The following MTR variants were observed in gnomAD, a reference collection of about 807,000 sequenced individuals.
MTR encodes the protein methionine synthase.
Under a neutral mutation model 154.8 loss-of-function variants are expected in MTR, and 84 were observed. The observed-to-expected ratio is 0.54, with a 90% CI of 0.45 to 0.65. The LOEUF is 0.65. Among genes scored for constraint, MTR ranks in the 30% least tolerant of loss-of-function variants. The pLI is 0.00. For missense variants in MTR, 1,275 were observed against 1,570.2 expected (o/e 0.81, Z 3.18); for synonymous variants, 554 against 553.9 (o/e 1.00, Z 0.00).
At chr1:236,797,491 A>T (rs1660460368) in intron 1 of MTR, among the ~76,000 whole-genome samples, 2 of 152,160 alleles carry the variant, frequency 1.3e-5, no homozygotes, top group Non-Finnish European at 2.9e-5. Context: ...AACTCAATTG[A>T]TGAGTGATTA....
intron 19 of MTR, 112 bp from the exon 20 acceptor site, chr1:236,861,013 A>G (rs1664503426): frequency 1.1e-6 from 1 of 909,008 alleles, no homozygotes; most frequent in African/African-American, 1.7e-5. Flanking sequence ...TGCTTCTGGA[A>G]CCTGTGCTGT....
intron 11 of MTR, among the ~76,000 whole-genome samples, chr1:236,828,253 A>G (rs1169901082): frequency 1.3e-5 from 2 of 152,184 alleles, no homozygotes; most frequent in Non-Finnish European, 1.5e-5. Context: ...CTGGGATTAC[A>G]TGTGTGAGCC....
chr1:236,883,682 T>A, intron 25 of MTR, among the ~76,000 whole-genome samples: 1 of 152,118 alleles, frequency 6.6e-6, no homozygotes. Context: ...TGAACACTAT[T>A]TAGGAACCTA....
chr1:236,890,003 C>T (rs550633308), intron 28 of MTR, among the ~76,000 whole-genome samples: 14 of 152,136 alleles, frequency 9.2e-5, no homozygotes, highest in South Asian at 4.2e-4. Context: ...CAGAATCCAC[C>T]GACAGAGACA....
Position 236,812,778 on chromosome 1 carries a change from A to G in MTR, c.543A>G (p.Lys181=). The G allele has an allele frequency of 6.2e-7, 1 of 1,614,170 alleles. No homozygotes were observed. The highest frequency in any genetic ancestry group is 8.5e-7 in the Non-Finnish European group (1 of 1,180,004). The change falls in exon 6 of 33, where the codon AAA becomes AAG. Residue 181 remains lysine (K), a synonymous_variant. Transcript: ENST00000366577. The part of the protein sequence containing the change: ...ELVEAYQEQA[K]GLLDGGVDIL... ...TTGAAGCATACCAAGAGCAGGCCAAAGGACTTCTGGATGGCGGGGTTGATA... is the reference window on the plus strand; with the variant it reads ...TTGAAGCATACCAAGAGCAGGCCAAGGGACTTCTGGATGGCGGGGTTGATA...
At chr1:236,849,787 A>C (rs1408626729) in intron 15 of MTR, among the ~76,000 whole-genome samples, 2 of 152,168 alleles carry the variant, frequency 1.3e-5, no homozygotes. Flanking sequence ...CTTAAGACAC[A>C]TGTTAGGCCA....
chr1:236,817,281 A>G (rs970035529), intron 8 of MTR, among the ~76,000 whole-genome samples: 1 of 151,682 alleles, frequency 6.6e-6, no homozygotes, highest in Non-Finnish European at 1.5e-5. Context: ...CCTGGAAGCT[A>G]TGCTGGTCCC....
chr1:236,804,110 TGAG>T (rs1660841984), intron 2 of MTR, among the ~76,000 whole-genome samples: 1 of 152,208 alleles, frequency 6.6e-6, no homozygotes. Flanking sequence ...CTGTGTCTGG[TGAG>T]GGCCCTCTTG....
At chr1:236,895,151 T>A (rs1236933008) in intron 30 of MTR, 1 of 637,188 alleles carries the variant, frequency 1.6e-6, no homozygotes, top group African/African-American at 1.8e-5. Flanking sequence ...AGAGCTCAGG[T>A]TGAGGCCAAA....
intron 14 of MTR, among the ~76,000 whole-genome samples, chr1:236,836,045 C>A (rs1420699430): frequency 1.3e-5 from 2 of 152,090 alleles, no homozygotes; most frequent in African/African-American, 4.8e-5. Context: ...TGAATTCTTT[C>A]TTATAACAGG....
chr1:236,852,304 G>C (rs2103251386), intron 16 of MTR, among the ~76,000 whole-genome samples: 1 of 152,122 alleles, frequency 6.6e-6, no homozygotes, highest in Middle Eastern at 3.4e-3. Context: ...AGGGAGATTG[G>C]AGTCTAGTAG....
At position 236,899,967 on chromosome 1, in the gene MTR, T is replaced by C. The variant is rs1010929700; in HGVS notation, c.*2323T>C. ...ATCTGTAGGGACTTGTACAACATTG[T>C]GGATGTGTAAACAGGCACCACTGCT... On this transcript the variant is annotated 3_prime_UTR_variant, in exon 33 of 33. Transcript: ENST00000366577. 1 of 201,100 alleles carries C rather than the reference T, an allele frequency of 5.0e-6. No individual in the cohort carries two copies. Among genetic ancestry groups the C allele is most frequent in the African/African-American group, 2.3e-5 (1 of 43,020 alleles). 12.5% of individuals were successfully genotyped at this position (201,100 alleles called of 1,614,324 possible). A position where few individuals can be genotyped will look rare whatever the true frequency, so the allele number is the denominator to read the frequency against.
At chr1:236,809,798 A>ATGCT (rs1430246431) in intron 4 of MTR, among the ~76,000 whole-genome samples, 1 of 152,230 alleles carries the variant, frequency 6.6e-6, no homozygotes, top group African/African-American at 2.4e-5. Context: ...GGTAATGAGC[A>ATGCT]GTACAACCCT....
intron 27 of MTR, 26 bp downstream of exon 27, chr1:236,886,393 A>G: frequency 1.2e-6 from 2 of 1,607,850 alleles, no homozygotes; most frequent in Non-Finnish European, 8.5e-7. Context: ...GACTAGAGAA[A>G]GACTGGGTGT....
chr1:236,891,251 C>A lies in MTR; in HGVS notation c.3126C>A (p.Asp1042Glu), dbSNP rs529430607. ...VGFWPAQSIQ[D>E]DIHLYAEAAV... ...TCTGGCCAGCACAGAGTATCCAAGACGACATTCACCTGTACGCAGAGGCTG... is the reference window on the plus strand; with the variant it reads ...TCTGGCCAGCACAGAGTATCCAAGAAGACATTCACCTGTACGCAGAGGCTG... Residue 1042 changes from aspartate to glutamate, a missense_variant, in exon 29 of 33, where the codon GAC (aspartate) becomes GAA (glutamate). Asp to Glu is a conservative substitution (Grantham distance 45, BLOSUM62 2). Transcript: ENST00000366577. The A allele has an allele frequency of 6.2e-7, 1 of 1,614,000 alleles. No individual in the cohort carries two copies. The highest frequency in any genetic ancestry group is 8.5e-7 in the Non-Finnish European group (1 of 1,180,018).
chr1:236,843,169 C>T (rs995888164), intron 15 of MTR, among the ~76,000 whole-genome samples: 1 of 151,876 alleles, frequency 6.6e-6, no homozygotes, highest in East Asian at 1.9e-4. Context: ...GGATTTGATC[C>T]CCCCTCAGCA....
rs1018832940 is a variant in MTR, at chr1:236,857,212, C to T, written c.1954-2621C>T. ...CATCTGTTGTTTCCTGACTTTTTAT[C>T]GCCATTCTAACTGGCGTGATATGGT... On this transcript the variant is annotated intron_variant, in intron 18 of 32. Coordinates refer to ENST00000366577, the MANE Select transcript of MTR (RefSeq NM_000254.3). Among the ~76,000 whole-genome samples the T allele has an allele frequency of 6.6e-5, 10 of 152,248 alleles. No individual in the cohort carries two copies. The East Asian group carries it at 1.5e-3, about 24-fold the overall frequency.
In MTR at chr1:236,864,338, T is replaced by C. The variant is rs1485800464; in HGVS notation, c.2405+784T>C. Among the ~76,000 whole-genome samples the C allele has an allele frequency of 2.0e-5, 3 of 152,206 alleles. No individual in the cohort carries two copies. The East Asian group carries it at 5.8e-4, about 29-fold the overall frequency. ...CCCTGTACTCCTCAGTTCTCTTCTT[T>C]GCTGTCAAGTAACAATTACCTGCTA... On this transcript the variant is annotated intron_variant, in intron 22 of 32. Coordinates refer to ENST00000366577, the MANE Select transcript of MTR (RefSeq NM_000254.3).
chr1:236,860,732 A>G (rs1304590013), intron 19 of MTR, among the ~76,000 whole-genome samples: 4 of 152,192 alleles, frequency 2.6e-5, no homozygotes, highest in African/African-American at 9.6e-5. Flanking sequence ...TGAACTTATT[A>G]GTCCTTCTCT....
Sources: gnomAD v4.1 joint callset for allele counts (sites outside exome capture counted in the v4.1 genomes callset) on GRCh38, gnomAD v4.1.1 for gene constraint, MANE v1.5 for transcripts, NCBI Gene and HGNC (gene_info 2026-07-23, HGNC 2026-07-21) for gene names.